The following NXPE4 variants were observed in gnomAD, a reference collection of about 807,000 sequenced individuals.
NXPE4 encodes neurexophilin and PC-esterase domain family member 4, also known as NXPE family member 4.
A neutral mutation model predicts 33.3 loss-of-function variants in NXPE4; 42 were observed. The observed-to-expected ratio is 1.26, with a 90% CI of 0.98 to 1.63. The LOEUF (loss-of-function observed/expected upper bound fraction) is 1.63. NXPE4 is among the 40% of genes most tolerant of loss of function. The pLI, the probability that NXPE4 is intolerant of heterozygous loss-of-function variation, is 0.00. For synonymous variants in NXPE4, 253 were observed against 234.9 expected, an observed-to-expected ratio of 1.08 and a Z score of -0.71; for missense variants, 709 against 647.6, an observed-to-expected ratio of 1.09 and a Z score of -1.03.
At chr11:114,594,419 G>A (rs1227719028) in intron 2 of NXPE4, among the ~76,000 whole-genome samples, 4 of 152,164 alleles carry the variant, frequency 2.6e-5, no homozygotes, top group Admixed American at 2.6e-4. Flanking sequence ...GATGAGCTAA[G>A]CATTGAAGAA....
chr11:114,602,447 T>A, the NXPE4 span, among the ~76,000 whole-genome samples: 9 of 134,224 alleles, frequency 6.7e-5, no homozygotes, highest in Admixed American at 1.7e-4. Flanking sequence ...ATATATAATA[T>A]ATATTATAAA....
At chr11:114,625,175 C>A in the NXPE4 span, among the ~76,000 whole-genome samples, 1 of 152,072 alleles carries the variant, frequency 6.6e-6, no homozygotes. Flanking sequence ...CCACTGTTAC[C>A]CAGTGGATAA....
chr11:114,665,754 T>C, the NXPE4 span, among the ~76,000 whole-genome samples: 2 of 152,134 alleles, frequency 1.3e-5, no homozygotes, highest in African/African-American at 4.8e-5. Flanking sequence ...TCCAGGGACT[T>C]GGAGAAGGGC....
At chr11:114,638,310 T>C in the NXPE4 span, among the ~76,000 whole-genome samples, 24 of 152,180 alleles carry the variant, frequency 1.6e-4, no homozygotes, top group African/African-American at 5.3e-4. Context: ...GGTTTTCAGC[T>C]CCATCAGCTC....
At chr11:114,665,748 G>C in the NXPE4 span, among the ~76,000 whole-genome samples, 2 of 152,124 alleles carry the variant, frequency 1.3e-5, no homozygotes, top group Non-Finnish European at 2.9e-5. Flanking sequence ...TCAGAATCCA[G>C]GGACTTGGAG....
At chr11:114,609,425 TAA>T in the NXPE4 span, among the ~76,000 whole-genome samples, 1 of 151,926 alleles carries the variant, frequency 6.6e-6, no homozygotes, top group African/African-American at 2.4e-5. Flanking sequence ...CTGTGGATAA[TAA>T]GTGTTGCCTC....
the NXPE4 span, among the ~76,000 whole-genome samples, chr11:114,665,435 T>C: frequency 6.6e-6 from 1 of 152,196 alleles, no homozygotes; most frequent in African/African-American, 2.4e-5. Flanking sequence ...TTTTCAGTCA[T>C]ACTTTGTGAA....
chr11:114,607,493 C>T, the NXPE4 span, among the ~76,000 whole-genome samples: 2 of 151,870 alleles, frequency 1.3e-5, no homozygotes, highest in African/African-American at 2.4e-5. Context: ...ACACCATTAC[C>T]GGCTGGATAC....
chr11:114,601,747 T>C, the NXPE4 span, among the ~76,000 whole-genome samples: 2 of 71,538 alleles, frequency 2.8e-5, no homozygotes, highest in African/African-American at 6.0e-5. Flanking sequence ...ATAATTATAA[T>C]ATATAATATA....
At chr11:114,583,183 A>G (rs1415174458) in intron 2 of NXPE4, 162 bp from the exon 3 acceptor site, 2 of 840,296 alleles carry the variant, frequency 2.4e-6, no homozygotes, top group Admixed American at 2.7e-5. Flanking sequence ...TATTATTTAA[A>G]TTCTCCAATA....
chr11:114,587,900 C>T (rs1450882851), intron 2 of NXPE4, among the ~76,000 whole-genome samples: 1 of 152,166 alleles, frequency 6.6e-6, no homozygotes, highest in Non-Finnish European at 1.5e-5. Flanking sequence ...TTCTTACCAT[C>T]TTGAACCATC....
At chr11:114,645,872 G>A in the NXPE4 span, among the ~76,000 whole-genome samples, 1 of 152,104 alleles carries the variant, frequency 6.6e-6, no homozygotes, top group African/African-American at 2.4e-5. Context: ...ATAATTTGTT[G>A]ATAAGTATTT....
chr11:114,577,051 A>T (rs1302102695), intron 5 of NXPE4, among the ~76,000 whole-genome samples: 1 of 50,066 alleles, frequency 2.0e-5, no homozygotes, highest in Non-Finnish European at 3.7e-5. Flanking sequence ...AAAGTTATAT[A>T]TATATACATA....
chr11:114,644,212 A>G, the NXPE4 span, among the ~76,000 whole-genome samples: 2 of 152,126 alleles, frequency 1.3e-5, no homozygotes, highest in African/African-American at 4.8e-5. Flanking sequence ...CAGAGACAAT[A>G]TGACTTCCTC....
At chr11:114,653,997 G>A in the NXPE4 span, among the ~76,000 whole-genome samples, 14 of 152,198 alleles carry the variant, frequency 9.2e-5, no homozygotes, top group South Asian at 2.3e-3. Context: ...AGGCATACCC[G>A]GCAGAGGGAA....
the NXPE4 span, among the ~76,000 whole-genome samples, chr11:114,633,610 CA>C: frequency 2.1e-4 from 31 of 151,048 alleles, no homozygotes; most frequent in African/African-American, 1.2e-4. Flanking sequence ...CTATCCCTCC[CA>C]CCCTGCCCCC....
At chr11:114,635,806 G>C in the NXPE4 span, among the ~76,000 whole-genome samples, 9 of 152,026 alleles carry the variant, frequency 5.9e-5, no homozygotes, top group African/African-American at 1.9e-4. Context: ...TGCATCCCAG[G>C]GATGAAGCCC....
chr11:114,632,860 TAATATATA>T, the NXPE4 span, among the ~76,000 whole-genome samples: 1 of 72,032 alleles, frequency 1.4e-5, no homozygotes, highest in African/African-American at 7.1e-5. Context: ...TATAATTATA[TAATATATA>T]ATTATATAAT....
chr11:114,622,842 T>A, the NXPE4 span, among the ~76,000 whole-genome samples: 5 of 151,960 alleles, frequency 3.3e-5, no homozygotes, highest in Non-Finnish European at 7.4e-5. Flanking sequence ...GGATAGTAAG[T>A]ATTGCTTCAT....
Sources: gnomAD v4.1 joint callset for allele counts (sites outside exome capture counted in the v4.1 genomes callset) on GRCh38, gnomAD v4.1.1 for gene constraint, MANE v1.5 for transcripts, NCBI Gene and HGNC (gene_info 2026-07-23, HGNC 2026-07-21) for gene names.